KIAA1217: variants seen among roughly 807,000 people sequenced by gnomAD.
KIAA1217 encodes KIAA1217.
In KIAA1217, 88 loss-of-function variants were observed where a neutral mutation model predicts 163.9. The observed-to-expected ratio is 0.54, with a 90% CI of 0.45 to 0.64. The LOEUF (loss-of-function observed/expected upper bound fraction) is 0.64. KIAA1217 is among the 30% of genes least tolerant of loss of function. KIAA1217 has a pLI of 0.00. For synonymous variants in KIAA1217, 903 were observed against 923.1 expected, an observed-to-expected ratio of 0.98 and a Z score of 0.39; for missense variants, 2,372 against 2,475.0, an observed-to-expected ratio of 0.96 and a Z score of 0.88.
intron 1 of KIAA1217, among the ~76,000 whole-genome samples, chr10:24,211,852 T>C (rs1397908153): frequency 6.6e-6 from 1 of 151,760 alleles, no homozygotes; most frequent in African/African-American, 2.4e-5. Flanking sequence ...CCAAAGCATT[T>C]CCTGTAGCCT....
intron 2 of KIAA1217, among the ~76,000 whole-genome samples, chr10:24,102,105 G>A (rs547160571): frequency 2.6e-4 from 40 of 152,254 alleles, no homozygotes; most frequent in Admixed American, 1.6e-3. Context: ...AAATAAAACT[G>A]TCTTTGGTCA....
At chr10:24,528,152 A>T in intron 14 of KIAA1217, 33 bp downstream of exon 14, 1 of 1,603,642 alleles carries the variant, frequency 6.2e-7, no homozygotes, top group South Asian at 1.1e-5. Flanking sequence ...GAATATATGG[A>T]GGTACATGGC....
intron 1 of KIAA1217, among the ~76,000 whole-genome samples, chr10:23,850,529 G>T (rs1472962329): frequency 6.6e-6 from 1 of 152,082 alleles, no homozygotes; most frequent in Non-Finnish European, 1.5e-5. Context: ...GGCAAAGATT[G>T]ACACACCTTT....
intron 15 of KIAA1217, 74 bp downstream of exon 15, chr10:24,532,067 G>C: frequency 7.6e-7 from 1 of 1,322,464 alleles, no homozygotes; most frequent in South Asian, 2.4e-5. Flanking sequence ...CTCTCTGTTG[G>C]AACATAAAAA....
chr10:24,498,823 T>G (rs534137510), intron 8 of KIAA1217, among the ~76,000 whole-genome samples: 1 of 152,044 alleles, frequency 6.6e-6, no homozygotes, highest in South Asian at 2.1e-4. Context: ...AACAAAAAAA[T>G]TGCGCTGTGA....
chr10:24,474,185 T>C (rs911275475), intron 6 of KIAA1217, 125 bp downstream of exon 6: 1 of 710,050 alleles, frequency 1.4e-6, no homozygotes, highest in African/African-American at 1.8e-5. Context: ...GTCCTGTGGA[T>C]GCTGCAGGAG....
intron 1 of KIAA1217, among the ~76,000 whole-genome samples, chr10:23,775,521 G>A (rs1440385207): frequency 2.0e-5 from 3 of 152,194 alleles, no homozygotes; most frequent in East Asian, 1.9e-4. Context: ...ATGAGGTCAG[G>A]GCTGTGCCTG....
intron 2 of KIAA1217, among the ~76,000 whole-genome samples, chr10:24,202,839 G>GC (rs2067336171): frequency 6.6e-6 from 1 of 152,142 alleles, no homozygotes; most frequent in South Asian, 2.1e-4. Flanking sequence ...TTACAGCAAT[G>GC]CCCCCCAAAT....
chr10:24,382,671 G>A (rs2053462731), intron 3 of KIAA1217, among the ~76,000 whole-genome samples: 1 of 151,716 alleles, frequency 6.6e-6, no homozygotes, highest in African/African-American at 2.4e-5. Flanking sequence ...GGAAGTCCAG[G>A]GCTCCAGTTC....
In KIAA1217 at chr10:24,342,148, C is replaced by T. The variant is rs564345259; in HGVS notation, c.355-38721C>T. On this transcript the variant is annotated intron_variant, in intron 2 of 20. Transcript: ENST00000376454. ...GCTCTGTGTACAAATACACACAAGG[C>T]CATGGTCACAGAGAGCAACAGTCAC... Among the ~76,000 whole-genome samples the T allele has an allele frequency of 1.1e-3, 172 of 152,260 alleles. 1 individual carries two copies. Among genetic ancestry groups the T allele is most frequent in the African/African-American group, 4.0e-3 (167 of 41,548 alleles).
At chr10:24,115,368 C>A (rs1448445331) in intron 2 of KIAA1217, among the ~76,000 whole-genome samples, 1 of 152,152 alleles carries the variant, frequency 6.6e-6, no homozygotes, top group Non-Finnish European at 1.5e-5. Flanking sequence ...TTTGGGATAG[C>A]TATGGAGTTT....
chr10:24,126,924 T>G (rs575346734), intron 2 of KIAA1217, among the ~76,000 whole-genome samples: 1 of 152,126 alleles, frequency 6.6e-6, no homozygotes, highest in Admixed American at 6.6e-5. Context: ...ACCACACTGC[T>G]CTTAGGTCTC....
chr10:24,356,137 A>G (rs946873905), intron 2 of KIAA1217, among the ~76,000 whole-genome samples: 1 of 152,066 alleles, frequency 6.6e-6, no homozygotes, highest in Admixed American at 6.5e-5. Flanking sequence ...TAATGATAAC[A>G]TCATTGCTTT....
chr10:23,694,878 T>G (rs1239422603), exon 1 of KIAA1217: 1 of 152,550 alleles, frequency 6.6e-6, no homozygotes, highest in Non-Finnish European at 1.5e-5. Flanking sequence ...AGCCTCCAGG[T>G]GAATTGAAAG....
intron 1 of KIAA1217, among the ~76,000 whole-genome samples, chr10:23,698,976 T>C (rs1167217576): frequency 6.6e-6 from 1 of 152,156 alleles, no homozygotes; most frequent in Non-Finnish European, 1.5e-5. Context: ...GCCTCCTGCC[T>C]CAGACTCCCA....
At chr10:24,455,458 C>T (rs2061695382) in intron 5 of KIAA1217, among the ~76,000 whole-genome samples, 1 of 152,162 alleles carries the variant, frequency 6.6e-6, no homozygotes, top group South Asian at 2.1e-4. Context: ...CGCATTATTA[C>T]AAGATAAATG....
At chr10:24,362,855 G>C (rs750963548) in intron 2 of KIAA1217, among the ~76,000 whole-genome samples, 8 of 151,980 alleles carry the variant, frequency 5.3e-5, no homozygotes, top group East Asian at 1.9e-4. Flanking sequence ...ACAAAAATTA[G>C]CCAGGCAGAG....
chr10:23,707,229 G>T (rs1014204528), intron 1 of KIAA1217, among the ~76,000 whole-genome samples: 1 of 152,126 alleles, frequency 6.6e-6, no homozygotes, highest in African/African-American at 2.4e-5. Flanking sequence ...TAATATAGGG[G>T]TTTGGTCTGG....
chr10:23,771,289 C>T (rs894481552), intron 1 of KIAA1217, among the ~76,000 whole-genome samples: 12 of 152,176 alleles, frequency 7.9e-5, no homozygotes, highest in Non-Finnish European at 1.8e-4. Flanking sequence ...AGCTTTTAAA[C>T]CATTTCCTCT....
Sources: allele counts gnomAD v4.1 joint callset (sites outside exome capture counted in the v4.1 genomes callset), GRCh38; gene constraint gnomAD v4.1.1; transcripts MANE v1.5; gene names NCBI Gene and HGNC (gene_info 2026-07-23, HGNC 2026-07-21).